DIP2B: variants seen among roughly 807,000 people sequenced by gnomAD.
DIP2B encodes the protein DIP2 acetate--CoA ligase B (putative).
Under a neutral mutation model 198.0 loss-of-function variants are expected in DIP2B, and 76 were observed. The observed-to-expected ratio is 0.38, with a 90% confidence interval of 0.32 to 0.46. The LOEUF (loss-of-function observed/expected upper bound fraction) is 0.46. DIP2B is among the 20% of genes least tolerant of loss of function. DIP2B has a pLI of 0.99. For missense variants in DIP2B, 1,559 were observed against 1,978.4 expected (o/e 0.79, Z 4.02); for synonymous variants, 701 against 739.1 (o/e 0.95, Z 0.84).
chr12:50,553,047 G>T (rs1958440827), intron 1 of DIP2B, among the ~76,000 whole-genome samples: 1 of 152,074 alleles, frequency 6.6e-6, no homozygotes, highest in African/African-American at 2.4e-5. Flanking sequence ...TATTGGCCAG[G>T]CTGGTCTTGA....
At chr12:50,521,411 CAGTTTTA>C (rs1958118035) in intron 1 of DIP2B, among the ~76,000 whole-genome samples, 1 of 151,372 alleles carries the variant, frequency 6.6e-6, no homozygotes, top group Non-Finnish European at 1.5e-5. Context: ...AGCTCAGCAA[CAGTTTTA>C]ACTCTTAATT....
intron 1 of DIP2B, among the ~76,000 whole-genome samples, chr12:50,557,002 G>A (rs1415513838): frequency 6.6e-6 from 1 of 151,966 alleles, no homozygotes; most frequent in East Asian, 1.9e-4. Context: ...GAGTCACCGC[G>A]CCCGGTGCAT....
At chr12:50,605,989 T>C (rs536689012) in intron 1 of DIP2B, among the ~76,000 whole-genome samples, 1 of 152,196 alleles carries the variant, frequency 6.6e-6, no homozygotes, top group South Asian at 2.1e-4. Context: ...GCCCGGCTAC[T>C]TTTTTGTATT....
chr12:50,707,438 AATGT>A (rs2139568799), intron 21 of DIP2B, among the ~76,000 whole-genome samples: 1 of 152,272 alleles, frequency 6.6e-6, no homozygotes, highest in East Asian at 1.9e-4. Context: ...GTGTTGGGTG[AATGT>A]ATGTGGAAGG....
At chr12:50,542,248 C>CAAAAAAAAAAAAAAA (rs35430997) in intron 1 of DIP2B, among the ~76,000 whole-genome samples, 1 of 51,286 alleles carries the variant, frequency 1.9e-5, no homozygotes, top group Non-Finnish European at 4.2e-5. Flanking sequence ...GACTCCGTCT[C>CAAAAAAAAAAAAAAA]AAAAAAAAAA....
chr12:50,659,822 C>T (rs1938614345), intron 3 of DIP2B, among the ~76,000 whole-genome samples: 1 of 152,060 alleles, frequency 6.6e-6, no homozygotes, highest in Admixed American at 6.6e-5. Flanking sequence ...TGAGTGTTCT[C>T]CAGGCACCTG....
chr12:50,732,348 T>C lies in DIP2B; in HGVS notation c.3811-18T>C, dbSNP rs1241997512. 3.7e-6 allele frequency: 6 copies of C among 1,613,788 alleles called. No homozygotes were observed. Among genetic ancestry groups the C allele is most frequent in the Admixed American group, 1.7e-5 (1 of 60,004 alleles). On this transcript the variant is annotated intron_variant, in intron 31 of 37. Transcript: ENST00000301180. Reference sequence around the variant, plus strand: ...TATGATCCTACTGACTTGGCTCCCATATAATGGTGTCTTGCAGACCAGAGG... The same window carrying C: ...TATGATCCTACTGACTTGGCTCCCACATAATGGTGTCTTGCAGACCAGAGG...
intron 2 of DIP2B, 136 bp from the exon 3 acceptor site, chr12:50,640,588 T>C: frequency 7.0e-6 from 6 of 854,394 alleles, no homozygotes. Flanking sequence ...TATGTATTTA[T>C]ATTGAAACTC....
rs1939138807 is a variant in DIP2B, at chr12:50,686,817, G to C, written c.1551+135G>C. The C allele has an allele frequency of 6.2e-6, 5 of 802,046 alleles. No individual in the cohort carries two copies. The South Asian group carries it at 9.9e-5, about 16-fold the overall frequency. 49.7% of individuals were successfully genotyped at this position (802,046 alleles called of 1,614,324 possible). ...TGCTTTGTGAGATTTCCATCTTTTG[G>C]CTTGTAAAATGCCTTGTAGTGGATC... On this transcript the variant is annotated intron_variant, in intron 12 of 37. Transcript: ENST00000301180.
Position 50,674,573 on chromosome 12 carries a change from T to C in DIP2B, c.740T>C (p.Ile247Thr), listed in dbSNP as rs1349509310. 1 of 1,614,114 alleles carries C rather than the reference T, an allele frequency of 6.2e-7. No individual in the cohort carries two copies. Among genetic ancestry groups the C allele is most frequent in the East Asian group, 2.2e-5 (1 of 44,896 alleles). ...AACATTGACCTGCCCCCCTCGGGGATAGTTAAAGGCATGCACAAAGGATCC... is the reference window on the plus strand; with the variant it reads ...AACATTGACCTGCCCCCCTCGGGGACAGTTAAAGGCATGCACAAAGGATCC... ...PANIDLPPSG[I>T]VKGMHKGSNR... The change falls in exon 6 of 38, where the codon ATA (isoleucine) becomes ACA (threonine). Residue 247 changes from isoleucine (I) to threonine (T), a missense_variant. Ile to Thr is a moderately conservative substitution (Grantham distance 89, BLOSUM62 -1). Coordinates refer to ENST00000301180, the MANE Select transcript of DIP2B (RefSeq NM_173602.3).
intron 1 of DIP2B, among the ~76,000 whole-genome samples, chr12:50,606,020 G>T (rs140998693): frequency 2.6e-5 from 4 of 151,454 alleles, no homozygotes; most frequent in Non-Finnish European, 5.9e-5. Flanking sequence ...ACATTGTTTC[G>T]CCATTTTGGC....
intron 4 of DIP2B, among the ~76,000 whole-genome samples, chr12:50,662,832 G>C (rs112412950): frequency 2.5e-4 from 38 of 152,206 alleles, no homozygotes; most frequent in African/African-American, 8.7e-4. Flanking sequence ...GACCTAAAGC[G>C]GGGTACGGTG....
At chr12:50,689,491 C>T (rs1405311761) in intron 12 of DIP2B, among the ~76,000 whole-genome samples, 7 of 152,164 alleles carry the variant, frequency 4.6e-5, no homozygotes, top group African/African-American at 1.7e-4. Context: ...GCAGGCAGGG[C>T]TTAGTTACTG....
chr12:50,638,262 T>C (rs1200067049), intron 2 of DIP2B, among the ~76,000 whole-genome samples: 1 of 152,236 alleles, frequency 6.6e-6, no homozygotes, highest in Non-Finnish European at 1.5e-5. Context: ...CGTATTTGTA[T>C]TGTCTTTTAG....
intron 1 of DIP2B, among the ~76,000 whole-genome samples, chr12:50,585,972 C>T (rs1958766801): frequency 6.6e-6 from 1 of 152,206 alleles, no homozygotes. Flanking sequence ...AGCATAGTGC[C>T]ACTTTCAGTG....
chr12:50,693,003 G>C lies in DIP2B; in HGVS notation c.1709G>C (p.Gly570Ala), dbSNP rs558372817. The change falls in exon 14 of 38, where the codon GGC becomes GCC. Residue 570 changes from glycine to alanine, a missense_variant. Coordinates refer to ENST00000301180, the MANE Select transcript of DIP2B (RefSeq NM_173602.3). ...DFKKDAGLWH[G>A]MFANVMNKMH... is the part of the protein sequence containing the mutation. Reference sequence around the variant, plus strand: ...AAGAAGGATGCTGGGCTGTGGCACGGCATGTTTGCGGTAAGCTACTCAGAT... The same window carrying C: ...AAGAAGGATGCTGGGCTGTGGCACGCCATGTTTGCGGTAAGCTACTCAGAT... 1.6e-4 allele frequency: 264 copies of C among 1,610,794 alleles called. 7 individuals are homozygous for C. The South Asian group carries it at 2.8e-3, about 17-fold the overall frequency.
In DIP2B at chr12:50,544,178, A is replaced by G. The variant is rs558367981; in HGVS notation, c.100+38938A>G. On this transcript the variant is annotated intron_variant, in intron 1 of 37. Coordinates refer to ENST00000301180, the MANE Select transcript of DIP2B (RefSeq NM_173602.3). The stretch of plus-strand genomic sequence containing the variant: ...GGGAGGCAGAGATTGCAGTGAGATC[A>G]TGCCACTGCCACTCCAGCCTGGTGA... 1.5e-4 allele frequency among the ~76,000 whole-genome samples: 22 copies of G among 151,252 alleles called. 1 individual carries two copies. The highest frequency in any genetic ancestry group is 4.9e-4 in the African/African-American group (20 of 41,226).
chr12:50,721,080 G>A (rs765472509), intron 25 of DIP2B, among the ~76,000 whole-genome samples, 193 bp from the exon 26 acceptor site: 11 of 152,194 alleles, frequency 7.2e-5, no homozygotes, highest in South Asian at 4.2e-4. Context: ...AAGTGCTAGC[G>A]TTACAGGTTT....
chr12:50,678,584 T>C (rs540155317), intron 7 of DIP2B, 95 bp from the exon 8 acceptor site: 4 of 1,322,024 alleles, frequency 3.0e-6, no homozygotes, highest in South Asian at 2.9e-5. Flanking sequence ...CAGGTAAATA[T>C]GAAGTGAAAA....
Sources: gnomAD v4.1 joint callset for allele counts (sites outside exome capture counted in the v4.1 genomes callset) on GRCh38, gnomAD v4.1.1 for gene constraint, MANE v1.5 for transcripts, NCBI Gene and HGNC (gene_info 2026-07-23, HGNC 2026-07-21) for gene names.